The following SYNE2 variants were observed in gnomAD, a reference collection of about 807,000 sequenced individuals.
The protein encoded by SYNE2 is nesprin-2.
In SYNE2, 431 loss-of-function variants were observed where a neutral mutation model predicts 856.3. The ratio of observed to expected loss-of-function variants is 0.50; its 90% CI spans 0.47 to 0.55. The LOEUF is 0.55. Ranked by LOEUF, SYNE2 falls within the 20% of genes least tolerant of loss-of-function variation. SYNE2 has a pLI of 0.00. For synonymous variants in SYNE2, 2,923 were observed against 2,872.3 expected (o/e 1.02, Z -0.56); for missense variants, 8,129 against 8,023.2 (o/e 1.01, Z -0.50).
At chr14:64,172,418 C>CAG (rs2098415459) in intron 94 of SYNE2, among the ~76,000 whole-genome samples, 1 of 152,146 alleles carries the variant, frequency 6.6e-6, no homozygotes, top group Non-Finnish European at 1.5e-5. Flanking sequence ...GGAGCTGGGA[C>CAG]AGTGGAGCTC....
intron 1 of SYNE2, among the ~76,000 whole-genome samples, chr14:63,802,456 T>C (rs1180465932): frequency 1.3e-5 from 2 of 152,118 alleles, no homozygotes; most frequent in Admixed American, 6.5e-5. Flanking sequence ...GAACTTCCCT[T>C]ATGTCAGATG....
rs1941605291 is a variant in SYNE2 at position 63,993,973 on chromosome 14, A to G, written c.2781+4A>G. ...AGATGTCTGTGCCAAATGGGAGGTAAGAACATGCATATGTTTCTGAACTTA... is the reference window on the plus strand; with the variant it reads ...AGATGTCTGTGCCAAATGGGAGGTAGGAACATGCATATGTTTCTGAACTTA... On this transcript the variant is annotated splice_donor_region_variant and intron_variant, in intron 22 of 115. Coordinates refer to ENST00000555002, the MANE Select transcript of SYNE2 (RefSeq NM_182914.3). The G allele has an allele frequency of 1.2e-6, 2 of 1,613,638 alleles. No homozygotes were observed. The highest frequency in any genetic ancestry group is 1.7e-6 in the Non-Finnish European group (2 of 1,179,736).
intron 2 of SYNE2, among the ~76,000 whole-genome samples, chr14:63,918,769 G>A (rs956810691): frequency 6.6e-6 from 1 of 152,166 alleles, no homozygotes; most frequent in Admixed American, 6.5e-5. Context: ...CATCTTTACT[G>A]CACAATTTCA....
At chr14:63,937,738 A>G (rs1378416989) in intron 2 of SYNE2, among the ~76,000 whole-genome samples, 1 of 152,262 alleles carries the variant, frequency 6.6e-6, no homozygotes, top group Non-Finnish European at 1.5e-5. Context: ...CTCCAGCCAC[A>G]TTCAGCAACC....
chr14:63,986,981 C>T (rs116949928), intron 19 of SYNE2, among the ~76,000 whole-genome samples: 8,990 of 152,170 alleles, frequency 0.059, 405 homozygotes, highest in Non-Finnish European at 0.091. Context: ...AGGCTGGGCG[C>T]GGTGGCTCAC....
intron 31 of SYNE2, among the ~76,000 whole-genome samples, chr14:64,007,880 T>A (rs1242346816): frequency 6.6e-6 from 1 of 152,166 alleles, no homozygotes; most frequent in Non-Finnish European, 1.5e-5. Context: ...CATGCTGGCA[T>A]GTGCCTATAG....
chr14:64,172,734 G>A (rs2098416809), intron 94 of SYNE2, among the ~76,000 whole-genome samples: 1 of 152,014 alleles, frequency 6.6e-6, no homozygotes, highest in African/African-American at 2.4e-5. Context: ...TTTGAGACCA[G>A]CCTGTGTACA....
chr14:63,870,934 C>A (rs980637105), intron 1 of SYNE2, among the ~76,000 whole-genome samples: 25 of 152,048 alleles, frequency 1.6e-4, no homozygotes, highest in Non-Finnish European at 2.5e-4. Flanking sequence ...TCATGATATC[C>A]CAGATTCATT....
chr14:64,209,472 A>T lies in SYNE2; in HGVS notation c.18434A>T (p.Tyr6145Phe). The T allele has an allele frequency of 6.2e-7, 1 of 1,614,250 alleles. No individual in the cohort carries two copies. Among genetic ancestry groups the T allele is most frequent in the Non-Finnish European group, 8.5e-7 (1 of 1,180,046 alleles). The change falls in exon 102 of 116, where the codon TAT (tyrosine) becomes TTT (phenylalanine). Residue 6145 changes from tyrosine (Y) to phenylalanine (F), a missense_variant. By Grantham distance (22) the Tyr-to-Phe change is conservative. This residue lies in a region of SYNE2 where 5,410 missense variants were observed against 5,284.8 expected (regional missense o/e 1.02). Coordinates refer to ENST00000555002, the MANE Select transcript of SYNE2 (RefSeq NM_182914.3). ...WRLWQKFLDD[Y>F]SRFEDWLKSA... is the part of the protein sequence containing the mutation. ...CTGTGGCAGAAGTTTTTAGACGACT[A>T]TTCTCGCTTTGAGGACTGGCTCAAG...
At chr14:63,785,485 A>G (rs1035759985) in intron 1 of SYNE2, among the ~76,000 whole-genome samples, 3 of 152,008 alleles carry the variant, frequency 2.0e-5, no homozygotes, top group African/African-American at 4.8e-5. Flanking sequence ...AACAAACAAA[A>G]AAAACACCTG....
At chr14:63,983,679 G>A in intron 17 of SYNE2, 58 bp from the exon 18 acceptor site, 1 of 1,376,292 alleles carries the variant, frequency 7.3e-7, no homozygotes, top group Non-Finnish European at 1.0e-6. Flanking sequence ...TGTTTGTAAT[G>A]TATATTAGCA....
Position 64,081,567 on chromosome 14 carries a change from C to A in SYNE2, c.11471C>A (p.Ala3824Asp), listed in dbSNP as rs2097524030. The change falls in exon 57 of 116, where the codon GCT becomes GAT. Residue 3824 changes from alanine to aspartate, a missense_variant. Physicochemically the swap from Ala to Asp is moderately radical, Grantham distance 126. Around this residue, in one of 3 missense-constraint regions of SYNE2, gnomAD observed 5,410 missense variants for 5,284.8 expected, o/e 1.02. Coordinates refer to ENST00000555002, the MANE Select transcript of SYNE2 (RefSeq NM_182914.3). ...TCTTTGAGGACACTGAGTCACCATG[C>A]TAGCACTGTGCAGGTAAGTGTTCTT... Reference protein sequence around the residue: ...YDSLRTLSHHASTVQMALEDS... With the variant: ...YDSLRTLSHHDSTVQMALEDS... 6.2e-7 allele frequency: 1 copy of A among 1,613,970 alleles called. No individual in the cohort carries two copies. The highest frequency in any genetic ancestry group is 1.3e-5 in the African/African-American group (1 of 74,932).
intron 92 of SYNE2, among the ~76,000 whole-genome samples, chr14:64,168,266 G>T (rs1164306522): frequency 6.6e-6 from 1 of 152,162 alleles, no homozygotes; most frequent in African/African-American, 2.4e-5. Flanking sequence ...ACTGCACCTG[G>T]CTAATTTTTG....
In SYNE2 at chr14:63,908,485, A is replaced by G. The variant is rs1434544772; in HGVS notation, c.-51-613A>G. Among the ~76,000 whole-genome samples the G allele has an allele frequency of 2.0e-5, 3 of 151,486 alleles. No homozygotes were observed. The East Asian group carries it at 5.8e-4, about 29-fold the overall frequency. ...AGTAAAAACTGCTCTCACTGGAAGGATTCTTTAAGAATCAAGGTGGGGCGA... is the reference window on the plus strand; with the variant it reads ...AGTAAAAACTGCTCTCACTGGAAGGGTTCTTTAAGAATCAAGGTGGGGCGA... On this transcript the variant is annotated intron_variant, in intron 1 of 115. Transcript: ENST00000555002.
intron 1 of SYNE2, among the ~76,000 whole-genome samples, chr14:63,770,141 A>G (rs182348439): frequency 1.8e-3 from 281 of 152,186 alleles, no homozygotes; most frequent in African/African-American, 6.6e-3. Flanking sequence ...GCTTATGTAT[A>G]ATATTGAACT....
intron 65 of SYNE2, among the ~76,000 whole-genome samples, chr14:64,112,582 TAAAC>T (rs763856737): frequency 2.6e-4 from 39 of 152,348 alleles, no homozygotes; most frequent in African/African-American, 8.7e-4. Context: ...AATCAGTTGA[TAAAC>T]AACCCAGTTA....
chr14:63,979,980 A>G lies in SYNE2; in HGVS notation c.1570-674A>G, dbSNP rs559151499. On this transcript the variant is annotated intron_variant, in intron 14 of 115. Transcript: ENST00000555002. ...AATTTTATTGTAAAAATTTAAAAAA[A>G]TGATAAAGAGAAATTTACTTCCAGT... is the stretch of plus-strand genomic sequence containing the variant. Among the ~76,000 whole-genome samples the G allele has an allele frequency of 1.8e-4, 28 of 152,340 alleles. 1 individual carries two copies. The East Asian group carries it at 3.5e-3, about 19-fold the overall frequency.
intron 45 of SYNE2, among the ~76,000 whole-genome samples, chr14:64,037,472 C>A (rs1384610077): frequency 3.3e-5 from 5 of 152,138 alleles, no homozygotes; most frequent in African/African-American, 1.2e-4. Flanking sequence ...CTACAGGATC[C>A]CAAGGCAAAA....
chr14:63,865,505 T>C (rs916981857), intron 1 of SYNE2, among the ~76,000 whole-genome samples: 2 of 152,054 alleles, frequency 1.3e-5, no homozygotes, highest in Non-Finnish European at 2.9e-5. Flanking sequence ...TCTCCTGCCT[T>C]AGCCTCCCAA....
Sources: gnomAD v4.1 joint callset for allele counts (sites outside exome capture counted in the v4.1 genomes callset) on GRCh38, gnomAD v4.1.1 for gene constraint, gnomAD v4.1.1 regional missense constraint, MANE v1.5 for transcripts, NCBI Gene and HGNC (gene_info 2026-07-23, HGNC 2026-07-21) for gene names.